Variants in SV2C observed in about 807,000 individuals in gnomAD.
SV2C encodes solute carrier family 22 member B3.
In SV2C, 49 loss-of-function variants were observed where a neutral mutation model predicts 79.7. That is an observed-to-expected ratio of 0.61 (90% CI 0.49 to 0.78). SV2C has a LOEUF of 0.78. SV2C is among the 30% of genes least tolerant of loss of function. SV2C has a pLI of 0.00. For missense variants in SV2C, 833 were observed against 912.9 expected (o/e 0.91, Z 1.13); for synonymous variants, 334 against 333.2 (o/e 1.00, Z -0.03).
the SV2C span, among the ~76,000 whole-genome samples, chr5:75,987,000 T>C: frequency 1.6e-4 from 25 of 151,892 alleles, no homozygotes; most frequent in African/African-American, 6.0e-4. Flanking sequence ...TTACTAAATT[T>C]AGCATTTCTC....
At chr5:76,297,894 A>AT (rs1033670523) in intron 9 of SV2C, among the ~76,000 whole-genome samples, 5 of 152,112 alleles carry the variant, frequency 3.3e-5, no homozygotes, top group African/African-American at 1.2e-4. Flanking sequence ...GAGAACAAGC[A>AT]TTTTCCTCTC....
intron 12 of SV2C, among the ~76,000 whole-genome samples, chr5:76,344,174 G>T (rs537857612): frequency 6.6e-6 from 1 of 152,248 alleles, no homozygotes; most frequent in East Asian, 1.9e-4. Flanking sequence ...GCATTTTTAT[G>T]ATTCCTTCTG....
intron 4 of SV2C, among the ~76,000 whole-genome samples, chr5:76,227,077 C>G (rs1413304538): frequency 6.6e-6 from 1 of 152,314 alleles, no homozygotes; most frequent in South Asian, 2.1e-4. Context: ...TGGAAAGACA[C>G]CAAACATCTG....
the SV2C span, among the ~76,000 whole-genome samples, chr5:75,942,926 A>T: frequency 6.6e-6 from 1 of 152,182 alleles, no homozygotes; most frequent in Non-Finnish European, 1.5e-5. Context: ...ACTACTAGGG[A>T]GGCTGAGTCT....
At chr5:76,143,086 G>A (rs917338086) in intron 2 of SV2C, among the ~76,000 whole-genome samples, 3 of 151,836 alleles carry the variant, frequency 2.0e-5, no homozygotes, top group East Asian at 1.9e-4. Context: ...TAGTAGAATG[G>A]GGTTTCACCA....
At chr5:76,090,536 A>G (rs1288004118) in intron 1 of SV2C, among the ~76,000 whole-genome samples, 6 of 151,948 alleles carry the variant, frequency 3.9e-5, no homozygotes, top group Non-Finnish European at 8.8e-5. Context: ...AATTACAATC[A>G]TCTAGTGTGT....
At chr5:76,037,600 C>T in the SV2C span, among the ~76,000 whole-genome samples, 1 of 152,156 alleles carries the variant, frequency 6.6e-6, no homozygotes, top group Admixed American at 6.5e-5. Context: ...GCAGTCTGCC[C>T]GTTCTCAGAT....
chr5:75,922,442 G>A, the SV2C span, among the ~76,000 whole-genome samples: 32 of 150,106 alleles, frequency 2.1e-4, no homozygotes, highest in Admixed American at 8.6e-4. Flanking sequence ...CTCATAAAAA[G>A]TAAAGTAAGA....
the SV2C span, among the ~76,000 whole-genome samples, chr5:75,953,029 G>GA: frequency 1.3e-5 from 2 of 151,796 alleles, no homozygotes; most frequent in Non-Finnish European, 2.9e-5. Flanking sequence ...AATTTATAAA[G>GA]AAAAAAAGGT....
intron 4 of SV2C, among the ~76,000 whole-genome samples, chr5:76,267,387 T>TA (rs577853943): frequency 3.3e-5 from 5 of 152,130 alleles, no homozygotes; most frequent in Non-Finnish European, 7.4e-5. Context: ...AATTTAATAT[T>TA]AAAAAAATAC....
At chr5:75,948,200 C>T in the SV2C span, among the ~76,000 whole-genome samples, 1 of 152,024 alleles carries the variant, frequency 6.6e-6, no homozygotes, top group African/African-American at 2.4e-5. Context: ...TAAGTTAGGA[C>T]TGCACCTTAC....
At chr5:76,035,135 T>A in the SV2C span, among the ~76,000 whole-genome samples, 78 of 151,762 alleles carry the variant, frequency 5.1e-4, 1 homozygote, top group East Asian at 0.014. Context: ...GATTCTTCTC[T>A]TTTTTTTTCT....
the SV2C span, among the ~76,000 whole-genome samples, chr5:76,022,670 C>T: frequency 6.6e-6 from 1 of 152,094 alleles, no homozygotes; most frequent in African/African-American, 2.4e-5. Flanking sequence ...CCGAAAATTC[C>T]CTTGTAAGCT....
intron 1 of SV2C, among the ~76,000 whole-genome samples, chr5:76,106,433 C>T (rs539748753): frequency 1.3e-5 from 2 of 152,302 alleles, no homozygotes; most frequent in Admixed American, 1.3e-4. Context: ...GATCATGTCC[C>T]TTCTCTGTGC....
chr5:76,299,539 G>A (rs1253195501), intron 10 of SV2C, among the ~76,000 whole-genome samples: 1 of 152,168 alleles, frequency 6.6e-6, no homozygotes, highest in African/African-American at 2.4e-5. Flanking sequence ...AGATTTATTT[G>A]ATTTCAAAGC....
the SV2C span, among the ~76,000 whole-genome samples, chr5:76,019,158 G>C: frequency 6.6e-6 from 1 of 152,162 alleles, no homozygotes; most frequent in Admixed American, 6.5e-5. Flanking sequence ...TTCAGCTGTA[G>C]TACAGGAGGG....
the SV2C span, among the ~76,000 whole-genome samples, chr5:75,902,778 C>T: frequency 6.6e-6 from 1 of 152,162 alleles, no homozygotes; most frequent in South Asian, 2.1e-4. Flanking sequence ...AGTTGATCAA[C>T]TAAAATAGGG....
rs544400406 is a variant in SV2C at position 76,260,065 on chromosome 5, T to G, written c.914-25097T>G. On this transcript the variant is annotated intron_variant, in intron 4 of 12. Coordinates refer to ENST00000502798, the MANE Select transcript of SV2C (RefSeq NM_014979.4). ...GAACTAATTAAACTCCCACTAACAG[T>G]GTAAAAGCATTGCTATTTCTCCACA... Among the ~76,000 whole-genome samples, 72 of 152,338 alleles carry G rather than the reference T, an allele frequency of 4.7e-4. 2 individuals are homozygous for G. In the South Asian group the frequency reaches 0.015, roughly 31 times the overall value.
chr5:76,002,921 C>T, the SV2C span, among the ~76,000 whole-genome samples: 1 of 151,816 alleles, frequency 6.6e-6, no homozygotes, highest in Non-Finnish European at 1.5e-5. Context: ...TATGGTTGGG[C>T]TGTGTCCCCA....
Sources: gnomAD v4.1 joint callset for allele counts (sites outside exome capture counted in the v4.1 genomes callset) on GRCh38, gnomAD v4.1.1 for gene constraint, MANE v1.5 for transcripts, NCBI Gene and HGNC (gene_info 2026-07-23, HGNC 2026-07-21) for gene names.